The following AUH variants were observed in gnomAD, a reference collection of about 807,000 sequenced individuals.
AUH encodes the protein methylglutaconyl-CoA hydratase, mitochondrial.
AUH carries 29 observed loss-of-function variants against 42.3 expected under a neutral mutation model. The observed-to-expected ratio is 0.69, with a 90% CI of 0.51 to 0.93. AUH has a LOEUF of 0.93. Among genes scored for constraint, AUH ranks in the 40% least tolerant of loss-of-function variants. The probability of loss-of-function intolerance (pLI) is 0.00; values close to 1 mark genes in which losing one functional copy is unlikely to be tolerated. For missense variants in AUH, 452 were observed against 438.1 expected, an observed-to-expected ratio of 1.03 and a Z score of -0.28; for synonymous variants, 174 against 166.4, an observed-to-expected ratio of 1.05 and a Z score of -0.35.
At position 91,295,924 on chromosome 9, in the gene AUH, C is replaced by A. The variant is rs140243764; in HGVS notation, c.655+97G>T. The A allele has an allele frequency of 1.2e-5, 16 of 1,364,538 alleles. No homozygotes were observed. In the African/African-American group the frequency reaches 2.1e-4, roughly 18 times the overall value. 84.5% of individuals were successfully genotyped at this position (1,364,538 alleles called of 1,614,324 possible). On this transcript the variant is annotated intron_variant, in intron 6 of 9. Transcript: ENST00000375731. ...CAAACAATATGCCATTGTCTCTTTACGCAAAATGTTGCCTTTCCAATTAAC... is the reference window on the plus strand; with the variant it reads ...CAAACAATATGCCATTGTCTCTTTAAGCAAAATGTTGCCTTTCCAATTAAC...
chr9:91,224,604 A>G (rs1394634448), intron 6 of AUH, among the ~76,000 whole-genome samples: 2 of 152,038 alleles, frequency 1.3e-5, no homozygotes, highest in Non-Finnish European at 2.9e-5. Flanking sequence ...ATGGTCTTTG[A>G]TCAGTTTTGT....
chr9:91,334,790 A>C (rs898235957), intron 3 of AUH, among the ~76,000 whole-genome samples: 18 of 152,194 alleles, frequency 1.2e-4, no homozygotes, highest in Non-Finnish European at 2.6e-4. Context: ...GCAGTGATTA[A>C]AGTCATGATT....
chr9:91,262,510 TGA>T (rs1564041621), intron 6 of AUH, among the ~76,000 whole-genome samples: 2 of 152,156 alleles, frequency 1.3e-5, no homozygotes, highest in African/African-American at 2.4e-5. Flanking sequence ...AGCCAGCATA[TGA>T]GAGTAAACTT....
At position 91,231,208 on chromosome 9, in the gene AUH, T is replaced by A. The variant is rs576864719; in HGVS notation, c.656-10216A>T. On this transcript the variant is annotated intron_variant, in intron 6 of 9. Coordinates refer to ENST00000375731, the MANE Select transcript of AUH (RefSeq NM_001698.3). ...TGTGCTAGCAATCAGCGAGACTCCA[T>A]GGGGTAGGACCCTCCGAGCCAGGTG... 3.7e-3 allele frequency among the ~76,000 whole-genome samples: 563 copies of A among 152,226 alleles called. 2 individuals are homozygous for A. The highest frequency in any genetic ancestry group is 6.2e-3 in the Non-Finnish European group (420 of 68,010).
intron 4 of AUH, among the ~76,000 whole-genome samples, chr9:91,324,041 A>G (rs998289160): frequency 6.6e-6 from 1 of 152,220 alleles, no homozygotes; most frequent in Non-Finnish European, 1.5e-5. Flanking sequence ...AGCATCATCT[A>G]GATATTAAAA....
At chr9:91,232,187 C>G (rs932540229) in intron 6 of AUH, among the ~76,000 whole-genome samples, 3 of 152,038 alleles carry the variant, frequency 2.0e-5, no homozygotes, top group Non-Finnish European at 4.4e-5. Context: ...GAGTTTGAGA[C>G]CAGCCTGGCC....
chr9:91,259,805 A>G (rs1306096075), intron 6 of AUH, among the ~76,000 whole-genome samples: 1 of 152,050 alleles, frequency 6.6e-6, no homozygotes, highest in African/African-American at 2.4e-5. Context: ...TTCTTATGTC[A>G]GTTTTTTAAA....
At position 91,217,321 on chromosome 9, in the gene AUH, C is replaced by T. The variant is rs748245565; in HGVS notation, c.850G>A (p.Val284Ile). The T allele has an allele frequency of 3.2e-5, 52 of 1,613,462 alleles. 1 individual carries two copies. In the Admixed American group the frequency reaches 8.7e-4, roughly 27 times the overall value. ...GCTAATTTTGCCACTCTCATTGCAA[C>T]AGGTCCCTAAAATTCAAATTAAAGA... ...LAREFLPQGP[V>I]AMRVAKLAIN... Residue 284 changes from valine (V) to isoleucine (I), a missense_variant, in exon 8 of 10, where the codon GTT (valine) becomes ATT (isoleucine). By Grantham distance (29) the Val-to-Ile change is conservative (BLOSUM62 3). Coordinates refer to ENST00000375731, the MANE Select transcript of AUH (RefSeq NM_001698.3).
intron 6 of AUH, among the ~76,000 whole-genome samples, chr9:91,234,145 C>T (rs1828044490): frequency 6.6e-6 from 1 of 152,168 alleles, no homozygotes; most frequent in Non-Finnish European, 1.5e-5. Flanking sequence ...TTGGAGACCC[C>T]TTTGGCCACC....
chr9:91,227,841 G>A (rs370149825), intron 6 of AUH, among the ~76,000 whole-genome samples: 7 of 151,992 alleles, frequency 4.6e-5, no homozygotes, highest in South Asian at 2.1e-4. Flanking sequence ...CTCTGTTTAT[G>A]TGCTGGATTA....
intron 6 of AUH, among the ~76,000 whole-genome samples, chr9:91,285,433 C>T (rs1826324031): frequency 6.6e-6 from 1 of 151,682 alleles, no homozygotes; most frequent in Non-Finnish European, 1.5e-5. Context: ...ACATTGTGCA[C>T]ATGTACCCTA....
chr9:91,353,126 A>G (rs1338638295), intron 3 of AUH, among the ~76,000 whole-genome samples: 2 of 151,732 alleles, frequency 1.3e-5, no homozygotes, highest in Non-Finnish European at 2.9e-5. Context: ...TCACACTGTC[A>G]CCCGGGCTGG....
chr9:91,341,419 T>C (rs1010619581), intron 3 of AUH, among the ~76,000 whole-genome samples: 1 of 152,238 alleles, frequency 6.6e-6, no homozygotes, highest in Non-Finnish European at 1.5e-5. Flanking sequence ...CAAAGCCATA[T>C]CTTTGAAACA....
intron 4 of AUH, among the ~76,000 whole-genome samples, chr9:91,309,948 C>T (rs748398514): frequency 3.3e-5 from 5 of 152,060 alleles, no homozygotes; most frequent in Admixed American, 6.5e-5. Flanking sequence ...TTTTTTATCT[C>T]TACAGTAACC....
rs556100503 is a variant in AUH, at chr9:91,266,234, C to T, written c.655+29787G>A. 2.2e-4 allele frequency among the ~76,000 whole-genome samples: 33 copies of T among 151,830 alleles called. 1 individual carries two copies. The East Asian group carries it at 5.8e-3, about 27-fold the overall frequency. On this transcript the variant is annotated intron_variant, in intron 6 of 9. Coordinates refer to ENST00000375731, the MANE Select transcript of AUH (RefSeq NM_001698.3). ...AAAATTAGCTGGGCGTGGTGGCAGA[C>T]GCCTGTAATCCCAGCTACTTGGGAG...
At chr9:91,228,519 A>C (rs1031335424) in intron 6 of AUH, among the ~76,000 whole-genome samples, 41 of 148,368 alleles carry the variant, frequency 2.8e-4, no homozygotes, top group African/African-American at 1.0e-3. Flanking sequence ...TGGATTCATT[A>C]ATTTTTTCAA....
chr9:91,355,882 C>T lies in AUH; in HGVS notation c.418+1G>A. On this transcript the variant is annotated splice_donor_variant, in intron 3 of 9. Coordinates refer to ENST00000375731, the MANE Select transcript of AUH (RefSeq NM_001698.3). LOFTEE classifies it high-confidence loss of function. ...TTTCATAATACAACATATTTACATA[C>T]CAGCACAGAATATCCCTGGGACTTC... 6.2e-7 allele frequency: 1 copy of T among 1,603,632 alleles called. No individual in the cohort carries two copies. Among genetic ancestry groups the T allele is most frequent in the Non-Finnish European group, 8.5e-7 (1 of 1,170,724 alleles).
At chr9:91,330,868 A>G (rs192927898) in intron 3 of AUH, among the ~76,000 whole-genome samples, 89 of 152,334 alleles carry the variant, frequency 5.8e-4, no homozygotes, top group Middle Eastern at 6.8e-3. Context: ...GATAAAAGTC[A>G]TAATAATTGC....
chr9:91,338,233 G>A lies in AUH; in HGVS notation c.419-12829C>T, dbSNP rs369602827. On this transcript the variant is annotated intron_variant, in intron 3 of 9. Transcript: ENST00000375731. ...CCCTCCATTTCTGTCCAGCGTCTCA[G>A]CCCCTCTTGAAGGCCTACTTCGAGG... Among the ~76,000 whole-genome samples the A allele has an allele frequency of 3.6e-4, 55 of 152,288 alleles. No individual in the cohort carries two copies. In the South Asian group the frequency reaches 0.01, roughly 28 times the overall value.
Sources: gnomAD v4.1 joint callset for allele counts (sites outside exome capture counted in the v4.1 genomes callset) on GRCh38, gnomAD v4.1.1 for gene constraint, MANE v1.5 for transcripts, NCBI Gene and HGNC (gene_info 2026-07-23, HGNC 2026-07-21) for gene names.